CEP76: variants seen among roughly 807,000 people sequenced by gnomAD.
CEP76 encodes centrosomal protein of 76 kDa.
A neutral mutation model predicts 83.3 loss-of-function variants in CEP76; 55 were observed. That is an observed-to-expected ratio of 0.66 (90% CI 0.53 to 0.83). The LOEUF (loss-of-function observed/expected upper bound fraction) is 0.83, where lower values mean the gene tolerates loss of function less well. Among genes scored for constraint, CEP76 ranks in the 40% least tolerant of loss-of-function variants. The pLI, the probability that CEP76 is intolerant of heterozygous loss-of-function variation, is 0.00. For missense variants in CEP76, 694 were observed against 799.5 expected, an observed-to-expected ratio of 0.87 and a Z score of 1.59; for synonymous variants, 270 against 274.5, an observed-to-expected ratio of 0.98 and a Z score of 0.16.
At chr18:12,687,542 C>T (rs2039585071) in intron 7 of CEP76, among the ~76,000 whole-genome samples, 3 of 151,254 alleles carry the variant, frequency 2.0e-5, no homozygotes, top group Admixed American at 1.3e-4. Context: ...CAACCTCCGC[C>T]CATGGGTTCA....
Position 12,699,079 on chromosome 18 carries a change from T to A in CEP76, c.420A>T (p.Leu140Phe). 1 of 1,614,082 alleles carries A rather than the reference T, an allele frequency of 6.2e-7. No individual in the cohort carries two copies. The highest frequency in any genetic ancestry group is 8.5e-7 in the Non-Finnish European group (1 of 1,179,968). ...GQVCSTFTLC[L>F]HYRNQRFRSK... ...AACGAAAACGTTGGTTTCGATAATGTAAACATAAAGTAAACGTTGAACAAA... is the reference window on the plus strand; with the variant it reads ...AACGAAAACGTTGGTTTCGATAATGAAAACATAAAGTAAACGTTGAACAAA... Residue 140 changes from leucine to phenylalanine, a missense_variant, in exon 4 of 12, where the codon TTA becomes TTT. Physicochemically the swap from Leu to Phe is conservative, Grantham distance 22. Transcript: ENST00000262127.
At chr18:12,670,404 A>C (rs2038914059), downstream of CEP76, 1 of 152,204 alleles carries the variant, frequency 6.6e-6, no homozygotes, top group South Asian at 2.1e-4. Context: ...TCTTCAGAGA[A>C]AAATATTAAT....
At chr18:12,664,900 C>T (rs9959611) in intron 12 of CEP76, among the ~76,000 whole-genome samples, 56,853 of 151,570 alleles carry the variant, frequency 0.38, 10,934 homozygotes, top group Non-Finnish European at 0.43. Flanking sequence ...GGTTTCACCA[C>T]TTTGGCCAGG....
Position 12,698,817 on chromosome 18 carries a change from A to C in CEP76, c.520+162T>G, listed in dbSNP as rs113722838. On this transcript the variant is annotated intron_variant, in intron 4 of 11. Coordinates refer to ENST00000262127, the MANE Select transcript of CEP76 (RefSeq NM_024899.4). The stretch of plus-strand genomic sequence containing the variant: ...AAATGAATAGCAAACAGAATATTGC[A>C]AGAAGGTGGATAGTAGTTTAAATTG... 530 of 600,770 alleles carry C rather than the reference A, an allele frequency of 8.8e-4. 1 individual carries two copies. The African/African-American group carries it at 9.1e-3, about 10-fold the overall frequency. 37.2% of individuals were successfully genotyped at this position (600,770 alleles called of 1,614,324 possible).
intron 7 of CEP76, among the ~76,000 whole-genome samples, chr18:12,689,354 G>A (rs190286836): frequency 6.6e-6 from 1 of 152,170 alleles, no homozygotes; most frequent in Non-Finnish European, 1.5e-5. Context: ...GGAAAGAGGT[G>A]GCATAAACCA....
At chr18:12,697,661 T>A (rs2040003003) in intron 4 of CEP76, among the ~76,000 whole-genome samples, 1 of 152,208 alleles carries the variant, frequency 6.6e-6, no homozygotes, top group South Asian at 2.1e-4. Flanking sequence ...TTCTGATTCA[T>A]AAGATAAGTC....
intron 12 of CEP76, among the ~76,000 whole-genome samples, chr18:12,664,072 G>A (rs2038754260): frequency 6.6e-6 from 1 of 152,244 alleles, no homozygotes; most frequent in South Asian, 2.1e-4. Flanking sequence ...GCTGAGGCAA[G>A]AGAATCGCTT....
At chr18:12,674,165 A>G (rs910761983) in intron 11 of CEP76, among the ~76,000 whole-genome samples, 2 of 151,508 alleles carry the variant, frequency 1.3e-5, no homozygotes, top group African/African-American at 4.8e-5. Context: ...GGCTGGGTGC[A>G]ACGGCTCACA....
intron 12 of CEP76, among the ~76,000 whole-genome samples, chr18:12,664,704 T>G (rs1032232499): frequency 1.3e-5 from 2 of 151,368 alleles, no homozygotes; most frequent in African/African-American, 4.8e-5. Flanking sequence ...TGATCTTTTT[T>G]TTTTTTTTTT....
intron 12 of CEP76, among the ~76,000 whole-genome samples, chr18:12,665,469 A>G (rs988342384): frequency 4.6e-5 from 7 of 152,106 alleles, no homozygotes; most frequent in Non-Finnish European, 1.0e-4. Context: ...CATCTTTTGT[A>G]TAAAGAGCCA....
intron 10 of CEP76, among the ~76,000 whole-genome samples, chr18:12,677,748 C>CAA (rs1359085106): frequency 2.6e-5 from 4 of 152,160 alleles, no homozygotes; most frequent in African/African-American, 9.7e-5. Context: ...CATGAGCCAT[C>CAA]AAGCCCAGCC....
downstream of CEP76, among the ~76,000 whole-genome samples, chr18:12,670,272 G>C (rs1000427961): frequency 6.6e-6 from 1 of 152,072 alleles, no homozygotes; most frequent in Non-Finnish European, 1.5e-5. Flanking sequence ...GGAGGTTGCA[G>C]TGAGCCAAGA....
At chr18:12,700,723 C>A (rs762485755) in intron 2 of CEP76, among the ~76,000 whole-genome samples, 10 of 152,108 alleles carry the variant, frequency 6.6e-5, no homozygotes, top group Non-Finnish European at 1.3e-4. Context: ...AGAGAAAATT[C>A]TGTCACTGTA....
intron 7 of CEP76, among the ~76,000 whole-genome samples, chr18:12,688,865 A>T (rs768068610): frequency 1.3e-5 from 2 of 152,188 alleles, no homozygotes; most frequent in Non-Finnish European, 2.9e-5. Flanking sequence ...CTATGATCCC[A>T]GCACTTTGGG....
downstream of CEP76, among the ~76,000 whole-genome samples, chr18:12,671,650 T>C (rs1243844035): frequency 1.5e-5 from 2 of 137,066 alleles, no homozygotes; most frequent in Non-Finnish European, 3.1e-5. Flanking sequence ...TTCTTTTTTT[T>C]TTTTTTTTTT....
rs533999395 is a variant in CEP76 at position 12,673,244 on chromosome 18, T to C, written c.*121A>G. ...ATTACCAGTCAAGTATATACAAAAT[T>C]GAAGTATGCCATTCAAGCCAGATTG... is the stretch of plus-strand genomic sequence containing the variant. On this transcript the variant is annotated 3_prime_UTR_variant, in exon 12 of 12. Coordinates refer to ENST00000262127, the MANE Select transcript of CEP76 (RefSeq NM_024899.4). 3,389 of 1,432,356 alleles carry C rather than the reference T, an allele frequency of 2.4e-3. 6 individuals are homozygous for C. Among genetic ancestry groups the C allele is most frequent in the Non-Finnish European group, 2.8e-3 (3,048 of 1,095,486 alleles). 88.7% of individuals were successfully genotyped at this position (1,432,356 alleles called of 1,614,324 possible). A position where few individuals can be genotyped will look rare whatever the true frequency, so the allele number is the denominator to read the frequency against.
At chr18:12,676,402 G>T (rs2039137909) in intron 10 of CEP76, among the ~76,000 whole-genome samples, 1 of 149,964 alleles carries the variant, frequency 6.7e-6, no homozygotes, top group Non-Finnish European at 1.5e-5. Flanking sequence ...CAGCCTCCGA[G>T]TATCTGGGAC....
Position 12,699,113 on chromosome 18 carries a change from G to A in CEP76, c.386C>T (p.Pro129Leu). 7.4e-6 allele frequency: 12 copies of A among 1,614,028 alleles called. No homozygotes were observed. The highest frequency in any genetic ancestry group is 1.0e-5 in the Non-Finnish European group (12 of 1,179,992). The change falls in exon 4 of 12, where the codon CCT (proline) becomes CTT (leucine). Residue 129 changes from proline (P) to leucine (L), a missense_variant. Pro to Leu is a moderately conservative substitution (Grantham distance 98). Coordinates refer to ENST00000262127, the MANE Select transcript of CEP76 (RefSeq NM_024899.4). ...LEHLQEPEPLPGQVCSTFTLC... is the reference protein window; with the variant it reads ...LEHLQEPEPLLGQVCSTFTLC... The stretch of plus-strand genomic sequence containing the variant: ...AGTAAACGTTGAACAAACTTGTCCA[G>A]GTAAAGGCTCAGGTTCTTGCAGATG...
At chr18:12,687,454 ATT>A (rs1259960536) in intron 7 of CEP76, among the ~76,000 whole-genome samples, 31 of 140,666 alleles carry the variant, frequency 2.2e-4, no homozygotes, top group Admixed American at 2.9e-4. Flanking sequence ...GAAGGCATCA[ATT>A]TTTTTTTTTT....
Sources: allele counts gnomAD v4.1 joint callset (sites outside exome capture counted in the v4.1 genomes callset), GRCh38; gene constraint gnomAD v4.1.1; transcripts MANE v1.5; gene names NCBI Gene and HGNC (gene_info 2026-07-23, HGNC 2026-07-21).